PDE1C: variants seen among roughly 807,000 people sequenced by gnomAD.
PDE1C encodes the protein dual specificity calcium/calmodulin-dependent 3',5'-cyclic nucleotide phosphodiesterase 1C.
Under a neutral mutation model 93.1 loss-of-function variants are expected in PDE1C, and 62 were observed. The ratio of observed to expected loss-of-function variants is 0.67; its 90% CI spans 0.54 to 0.82. PDE1C has a LOEUF of 0.82. Among genes scored for constraint, PDE1C ranks in the 40% least tolerant of loss-of-function variants. The probability of loss-of-function intolerance (pLI) is 0.00; values close to 1 mark genes in which losing one functional copy is unlikely to be tolerated. For missense variants in PDE1C, 742 were observed against 884.6 expected (o/e 0.84, Z 2.04); for synonymous variants, 325 against 310.1 (o/e 1.05, Z -0.50).
At chr7:32,226,370 C>T (rs1807272056) in intron 1 of PDE1C, among the ~76,000 whole-genome samples, 1 of 152,248 alleles carries the variant, frequency 6.6e-6, no homozygotes, top group African/African-American at 2.4e-5. Context: ...TCCTGACACA[C>T]TGTGAAATTT....
rs199766591 is a variant in PDE1C at position 31,823,154 on chromosome 7, C to T, written c.1501G>A (p.Val501Ile). Residue 501 changes from valine to isoleucine, a missense_variant, in exon 14 of 18, where the codon GTT becomes ATT. This residue lies in a region of PDE1C where 454 missense variants were observed against 459.4 expected (regional missense o/e 0.99). Coordinates refer to ENST00000396191, the MANE Select transcript of PDE1C (RefSeq NM_001191057.4). ...SAPINNSVISVDYKSFKATWT... is the reference protein window; with the variant it reads ...SAPINNSVISIDYKSFKATWT... ...GTAGCTTTAAAGCTCTTATAGTCAA[C>T]GGAGATGACAGAATTGTTGATCGGG... The T allele has an allele frequency of 2.0e-5, 33 of 1,613,260 alleles. No homozygotes were observed. The highest frequency in any genetic ancestry group is 4.4e-5 in the South Asian group (4 of 91,024).
At chr7:31,905,086 A>C (rs1211109578) in intron 2 of PDE1C, among the ~76,000 whole-genome samples, 1 of 152,154 alleles carries the variant, frequency 6.6e-6, no homozygotes, top group East Asian at 1.9e-4. Context: ...TTCACTATGA[A>C]ATACCAAATG....
chr7:31,714,996 A>G, the PDE1C span, among the ~76,000 whole-genome samples: 1 of 152,194 alleles, frequency 6.6e-6, no homozygotes, highest in Non-Finnish European at 1.5e-5. Flanking sequence ...CATCTGCTTT[A>G]TAAGATGCTG....
chr7:31,745,954 A>G, the PDE1C span, among the ~76,000 whole-genome samples: 19 of 152,296 alleles, frequency 1.2e-4, no homozygotes, highest in South Asian at 3.5e-3. Flanking sequence ...CCTTTGAGCA[A>G]GGTGTCAGGA....
intron 1 of PDE1C, among the ~76,000 whole-genome samples, chr7:32,420,954 T>C (rs964336314): frequency 6.6e-6 from 1 of 152,140 alleles, no homozygotes; most frequent in Non-Finnish European, 1.5e-5. Context: ...TGAATATCCA[T>C]GATCTCACCT....
At chr7:31,692,180 A>G in the PDE1C span, among the ~76,000 whole-genome samples, 1 of 152,178 alleles carries the variant, frequency 6.6e-6, no homozygotes, top group African/African-American at 2.4e-5. Context: ...GATACATGAC[A>G]ATTATGAATA....
intron 6 of PDE1C, among the ~76,000 whole-genome samples, chr7:31,869,801 C>T (rs1461027889): frequency 6.6e-6 from 1 of 152,012 alleles, no homozygotes. Flanking sequence ...TATCCAACAG[C>T]TACAGAACAC....
chr7:32,131,330 A>G (rs1037289338), intron 3 of PDE1C, among the ~76,000 whole-genome samples: 7 of 152,166 alleles, frequency 4.6e-5, no homozygotes, highest in Admixed American at 4.6e-4. Context: ...CTGAAAACAC[A>G]AGGTCTGTAT....
At chr7:32,298,519 C>T (rs1349030479) in intron 1 of PDE1C, 2 of 1,130,238 alleles carry the variant, frequency 1.8e-6, no homozygotes, top group Non-Finnish European at 2.5e-6. Context: ...CCGGGGGCTC[C>T]CGCCCGGAGA....
At chr7:31,942,266 C>T (rs1365073889) in intron 2 of PDE1C, among the ~76,000 whole-genome samples, 1 of 152,126 alleles carries the variant, frequency 6.6e-6, no homozygotes, top group Non-Finnish European at 1.5e-5. Context: ...TTGTGTCCAT[C>T]TGAATCATGA....
chr7:32,007,322 A>G (rs1786410989), intron 2 of PDE1C, among the ~76,000 whole-genome samples: 1 of 152,186 alleles, frequency 6.6e-6, no homozygotes, highest in Admixed American at 6.5e-5. Context: ...GAGCCACCTC[A>G]GCACGTCTAC....
chr7:31,825,805 C>T (rs750926925), intron 12 of PDE1C, among the ~76,000 whole-genome samples: 3 of 152,108 alleles, frequency 2.0e-5, no homozygotes, highest in Admixed American at 6.6e-5. Flanking sequence ...CTGCCAAAGA[C>T]ACTCCAACAA....
the PDE1C span, among the ~76,000 whole-genome samples, chr7:31,687,583 G>C: frequency 6.6e-5 from 10 of 152,198 alleles, no homozygotes; most frequent in Non-Finnish European, 1.5e-4. Context: ...ACAGGATAGA[G>C]AGGTTTATCT....
At position 31,982,208 on chromosome 7, in the gene PDE1C, C is replaced by T. The variant is rs531434418; in HGVS notation, c.128+69346G>A. Among the ~76,000 whole-genome samples the T allele has an allele frequency of 6.5e-4, 99 of 152,310 alleles. 1 individual carries two copies. The highest frequency in any genetic ancestry group is 3.4e-3 in the Middle Eastern group (1 of 294). Reference sequence around the variant, plus strand: ...ACCCCTGAGCTGGCAGCCATCCAGTCGAGGTTCCCTAGACAGGCAGTGTTG... The same window carrying T: ...ACCCCTGAGCTGGCAGCCATCCAGTTGAGGTTCCCTAGACAGGCAGTGTTG... On this transcript the variant is annotated intron_variant, in intron 2 of 17. Coordinates refer to ENST00000396191, the MANE Select transcript of PDE1C (RefSeq NM_001191057.4).
intron 1 of PDE1C, among the ~76,000 whole-genome samples, chr7:32,267,886 C>T (rs753407172): frequency 6.6e-6 from 1 of 152,170 alleles, no homozygotes. Context: ...AATCACAGCC[C>T]TCCTAGGAAT....
intron 2 of PDE1C, among the ~76,000 whole-genome samples, chr7:32,011,449 C>T (rs751014093): frequency 6.6e-6 from 1 of 152,176 alleles, no homozygotes; most frequent in Non-Finnish European, 1.5e-5. Context: ...ACCTCAGCCT[C>T]CCAAAGTGCT....
At chr7:31,858,708 G>A (rs1176075290) in intron 7 of PDE1C, among the ~76,000 whole-genome samples, 2 of 152,004 alleles carry the variant, frequency 1.3e-5, no homozygotes, top group East Asian at 3.9e-4. Context: ...TGCTAGTCAT[G>A]ATTACTTATG....
chr7:31,794,057 C>CAGATAGAT (rs1784944627), intron 16 of PDE1C, among the ~76,000 whole-genome samples: 1 of 139,328 alleles, frequency 7.2e-6, no homozygotes, highest in Non-Finnish European at 1.6e-5. Flanking sequence ...GACAGACAGA[C>CAGATAGAT]AGACAGACAG....
intron 14 of PDE1C, among the ~76,000 whole-genome samples, chr7:31,820,242 T>C (rs1022578085): frequency 4.6e-5 from 7 of 151,952 alleles, no homozygotes; most frequent in Admixed American, 2.0e-4. Flanking sequence ...AAGAATAACA[T>C]CAGAATTTTA....
Sources: allele counts gnomAD v4.1 joint callset (sites outside exome capture counted in the v4.1 genomes callset), GRCh38; gene constraint gnomAD v4.1.1; regional missense constraint gnomAD v4.1.1; transcripts MANE v1.5; gene names NCBI Gene and HGNC (gene_info 2026-07-23, HGNC 2026-07-21).